The following INPP5B variants were observed in gnomAD, a reference collection of about 807,000 sequenced individuals.
INPP5B encodes the protein inositol polyphosphate-5-phosphatase B.
Under a neutral mutation model 118.5 loss-of-function variants are expected in INPP5B, and 90 were observed. That is an observed-to-expected ratio of 0.76 (90% CI 0.64 to 0.90). INPP5B has a LOEUF of 0.90. Ranked by LOEUF, INPP5B falls within the 40% of genes least tolerant of loss-of-function variation. INPP5B has a pLI of 0.00. For synonymous variants in INPP5B, 385 were observed against 418.9 expected, an observed-to-expected ratio of 0.92 and a Z score of 0.99; for missense variants, 984 against 1,125.6, an observed-to-expected ratio of 0.87 and a Z score of 1.80.
chr1:37,939,277 T>C (rs1645821049), intron 6 of INPP5B, among the ~76,000 whole-genome samples: 2 of 150,748 alleles, frequency 1.3e-5, no homozygotes, highest in African/African-American at 4.9e-5. Flanking sequence ...GGCAGGAGAA[T>C]TGCTTGAACC....
chr1:37,876,552 TAAAAA>T (rs34854182), intron 16 of INPP5B, among the ~76,000 whole-genome samples: 1 of 54,612 alleles, frequency 1.8e-5, no homozygotes, highest in South Asian at 1.0e-3. Context: ...GCTGTCTCTT[TAAAAA>T]AAAAAAAAAA....
intron 23 of INPP5B, among the ~76,000 whole-genome samples, chr1:37,862,985 C>G (rs1274356156): frequency 1.3e-5 from 2 of 152,194 alleles, no homozygotes; most frequent in Non-Finnish European, 2.9e-5. Context: ...TGTCCTGCCT[C>G]TCTGGTTCCT....
chr1:37,876,879 C>CA lies in INPP5B; in HGVS notation c.1678-1164dup, dbSNP rs1307269291. Among the ~76,000 whole-genome samples the CA allele has an allele frequency of 5.5e-5, 8 of 145,874 alleles. No homozygotes were observed. In the South Asian group the frequency reaches 6.5e-4, roughly 12 times the overall value. The stretch of plus-strand genomic sequence containing the variant: ...TGGGTGACAGAGCAAGACTCCATCT[C>CA]AAAAAAAAAATTAGTCAGGTAAGGT... On this transcript the variant is annotated intron_variant, in intron 16 of 23. Coordinates refer to ENST00000373024, the MANE Select transcript of INPP5B (RefSeq NM_005540.3).
At chr1:37,876,227 C>G (rs1257596606) in intron 16 of INPP5B, among the ~76,000 whole-genome samples, 3 of 151,792 alleles carry the variant, frequency 2.0e-5, no homozygotes, top group East Asian at 1.9e-4. Flanking sequence ...CCTCAGCCCC[C>G]CAAGTAGCTG....
chr1:37,873,320 G>A, intron 18 of INPP5B, 155 bp from the exon 19 acceptor site: 1 of 615,382 alleles, frequency 1.6e-6, no homozygotes, highest in Non-Finnish European at 2.9e-6. Context: ...TTGGCATGCA[G>A]GAGACACAAG....
At chr1:37,885,347 G>C (rs1377077630) in intron 13 of INPP5B, among the ~76,000 whole-genome samples, 2 of 152,004 alleles carry the variant, frequency 1.3e-5, no homozygotes, top group East Asian at 3.9e-4. Flanking sequence ...CTGGGAGGCG[G>C]AGCCTGTAGT....
chr1:37,941,132 CAA>C (rs992381323), intron 5 of INPP5B, among the ~76,000 whole-genome samples: 9 of 152,002 alleles, frequency 5.9e-5, no homozygotes, highest in African/African-American at 1.4e-4. Context: ...TAGAGGCAGA[CAA>C]GAGGGAATGT....
chr1:37,946,143 C>T, intron 2 of INPP5B, 109 bp downstream of exon 2: 1 of 1,043,088 alleles, frequency 9.6e-7, no homozygotes, highest in Non-Finnish European at 1.4e-6. Flanking sequence ...ATTTCCTTCT[C>T]CCCTGATGGT....
At chr1:37,912,275 C>T (rs1644725283) in intron 7 of INPP5B, among the ~76,000 whole-genome samples, 1 of 152,170 alleles carries the variant, frequency 6.6e-6, no homozygotes, top group Non-Finnish European at 1.5e-5. Flanking sequence ...GCAGGATGCC[C>T]CACCATTAGG....
intron 14 of INPP5B, among the ~76,000 whole-genome samples, chr1:37,880,521 T>C (rs773938455): frequency 6.6e-6 from 1 of 152,116 alleles, no homozygotes. Flanking sequence ...CACCGCAACC[T>C]CCACCTCCCA....
At chr1:37,872,904 A>C in intron 19 of INPP5B, 26 bp downstream of exon 19, 1 of 1,536,566 alleles carries the variant, frequency 6.5e-7, no homozygotes, top group South Asian at 1.1e-5. Context: ...AAAGTTCTAG[A>C]TGTTTCTTTG....
Position 37,889,792 on chromosome 1 carries a change from C to G in INPP5B, c.630-68G>C, listed in dbSNP as rs1042906852. On this transcript the variant is annotated intron_variant, in intron 8 of 23. Transcript: ENST00000373024. ...CATGGCAAAATGAATGAATACAAAGCTAAAAGTTCCCCTATACAAGCATCT... is the reference window on the plus strand; with the variant it reads ...CATGGCAAAATGAATGAATACAAAGGTAAAAGTTCCCCTATACAAGCATCT... 4 of 1,238,922 alleles carry G rather than the reference C, an allele frequency of 3.2e-6. No individual in the cohort carries two copies. The East Asian group carries it at 9.5e-5, about 29-fold the overall frequency. 76.7% of individuals were successfully genotyped at this position (1,238,922 alleles called of 1,614,324 possible). A position where few individuals can be genotyped will look rare whatever the true frequency, so the allele number is the denominator to read the frequency against.
chr1:37,886,563 G>C (rs1379003234), intron 12 of INPP5B, among the ~76,000 whole-genome samples: 1 of 152,188 alleles, frequency 6.6e-6, no homozygotes, highest in East Asian at 1.9e-4. Context: ...AGAGGAAATT[G>C]CAAACCTACT....
chr1:37,865,617 G>T, intron 22 of INPP5B, 144 bp downstream of exon 22: 1 of 863,576 alleles, frequency 1.2e-6, no homozygotes, highest in Non-Finnish European at 1.7e-6. Context: ...AAGAAACAAA[G>T]ACATAAGAGA....
chr1:37,890,025 C>G (rs545766080), intron 8 of INPP5B, among the ~76,000 whole-genome samples: 10 of 152,256 alleles, frequency 6.6e-5, no homozygotes, highest in Admixed American at 5.2e-4. Flanking sequence ...AAAAATGAAA[C>G]CCAGTGTCAT....
chr1:37,866,402 T>TCACACACA (rs770631435), intron 21 of INPP5B, 57 bp downstream of exon 21: 47 of 681,698 alleles, frequency 6.9e-5, no homozygotes, highest in African/African-American at 3.9e-4. Context: ...TCTCTCTCTC[T>TCACACACA]CTCTCACACA....
chr1:37,890,117 G>A (rs1050217564), intron 8 of INPP5B, among the ~76,000 whole-genome samples: 4 of 152,176 alleles, frequency 2.6e-5, no homozygotes, highest in Non-Finnish European at 5.9e-5. Context: ...ACTCATGCCT[G>A]TAATCCCAGC....
intron 6 of INPP5B, among the ~76,000 whole-genome samples, chr1:37,939,697 C>A (rs1227343019): frequency 6.6e-6 from 1 of 152,032 alleles, no homozygotes; most frequent in Non-Finnish European, 1.5e-5. Context: ...CCCGCCTTGG[C>A]CTCCCAAAGT....
intron 7 of INPP5B, among the ~76,000 whole-genome samples, chr1:37,915,069 T>C (rs772185726): frequency 6.6e-6 from 1 of 152,168 alleles, no homozygotes; most frequent in Admixed American, 6.6e-5. Flanking sequence ...AGTGCAAGTG[T>C]TCTATTTTTC....
Sources: allele counts gnomAD v4.1 joint callset (sites outside exome capture counted in the v4.1 genomes callset), GRCh38; gene constraint gnomAD v4.1.1; transcripts MANE v1.5; gene names NCBI Gene and HGNC (gene_info 2026-07-23, HGNC 2026-07-21).